ZBTB38: variants seen among roughly 807,000 people sequenced by gnomAD.
ZBTB38 encodes the protein zinc finger and BTB domain containing 38.
ZBTB38 carries 20 observed loss-of-function variants against 76.8 expected under a neutral mutation model. The ratio of observed to expected loss-of-function variants is 0.26; its 90% CI spans 0.18 to 0.38. The LOEUF (loss-of-function observed/expected upper bound fraction) is 0.38, where lower values mean the gene tolerates loss of function less well. Among genes scored for constraint, ZBTB38 ranks in the 10% least tolerant of loss-of-function variants. The probability of loss-of-function intolerance (pLI) is 1.00; values close to 1 mark genes in which losing one functional copy is unlikely to be tolerated. For synonymous variants in ZBTB38, 504 were observed against 544.2 expected (o/e 0.93, Z 1.03); for missense variants, 1,082 against 1,482.3 (o/e 0.73, Z 4.43).
chr3:141,397,556 C>T (rs1404799402), intron 4 of ZBTB38, among the ~76,000 whole-genome samples: 1 of 152,174 alleles, frequency 6.6e-6, no homozygotes, highest in East Asian at 1.9e-4. Context: ...TTCGACATAC[C>T]TTCCTCATGA....
chr3:141,433,543 C>T (rs558062077), intron 5 of ZBTB38, among the ~76,000 whole-genome samples: 2 of 151,994 alleles, frequency 1.3e-5, no homozygotes, highest in African/African-American at 4.8e-5. Flanking sequence ...TTTAATTGCA[C>T]CTACCTAATA....
At chr3:141,423,879 GAT>G (rs1392065569) in intron 5 of ZBTB38, among the ~76,000 whole-genome samples, 1 of 152,160 alleles carries the variant, frequency 6.6e-6, no homozygotes, top group African/African-American at 2.4e-5. Context: ...TAACCAAACT[GAT>G]ATGTTATTAA....
intron 5 of ZBTB38, among the ~76,000 whole-genome samples, chr3:141,420,486 G>T (rs555369560): frequency 6.6e-6 from 1 of 152,306 alleles, no homozygotes; most frequent in East Asian, 1.9e-4. Flanking sequence ...TACTTGCCTT[G>T]TGGCCTCAGT....
chr3:141,328,095 A>G (rs1206181883), intron 1 of ZBTB38, among the ~76,000 whole-genome samples: 2 of 152,218 alleles, frequency 1.3e-5, no homozygotes, highest in Admixed American at 1.3e-4. Context: ...TTTACATAAT[A>G]TATTCATCAT....
chr3:141,388,733 T>C (rs1027813246), intron 4 of ZBTB38: 5 of 152,218 alleles, frequency 3.3e-5, no homozygotes, highest in Admixed American at 3.3e-4. Context: ...TTTCCTCTCA[T>C]ATAGAATCTG....
chr3:141,443,292 G>A lies in ZBTB38; in HGVS notation c.904G>A (p.Ala302Thr). The part of the protein sequence containing the change: ...VNQERSPQPA[A>T]VLTRSKSPNN... Reference sequence around the variant, plus strand: ...TCAAGAAAGAAGTCCACAACCAGCTGCTGTTCTCACTCGTTCAAAATCTCC... The same window carrying A: ...TCAAGAAAGAAGTCCACAACCAGCTACTGTTCTCACTCGTTCAAAATCTCC... The change falls in exon 6 of 6, where the codon GCT becomes ACT. Residue 302 changes from alanine to threonine, a missense_variant. Ala to Thr is a moderately conservative substitution (Grantham distance 58). Coordinates refer to ENST00000321464, the MANE Select transcript of ZBTB38 (RefSeq NM_001376113.1). This position sits in a 1 kb window ranked among gnomAD's most constrained non-coding sequence, Gnocchi z 5.6. 2 of 1,614,206 alleles carry A rather than the reference G, an allele frequency of 1.2e-6. No individual in the cohort carries two copies. The highest frequency in any genetic ancestry group is 1.7e-5 in the Admixed American group (1 of 60,034).
intron 1 of ZBTB38, among the ~76,000 whole-genome samples, chr3:141,369,401 C>T (rs894214261): frequency 2.0e-5 from 3 of 152,164 alleles, no homozygotes; most frequent in Non-Finnish European, 4.4e-5. Flanking sequence ...CTTGTGCCAT[C>T]GTATCTGGGA....
At chr3:141,347,117 G>A (rs1245007300) in intron 1 of ZBTB38, among the ~76,000 whole-genome samples, 1 of 152,198 alleles carries the variant, frequency 6.6e-6, no homozygotes, top group African/African-American at 2.4e-5. Flanking sequence ...ACGCCACACA[G>A]TTGATGAGTT....
chr3:141,415,748 G>C (rs1042866135), intron 5 of ZBTB38, among the ~76,000 whole-genome samples: 3 of 152,124 alleles, frequency 2.0e-5, no homozygotes, highest in African/African-American at 4.8e-5. Flanking sequence ...ATGTATGATG[G>C]GGTGATTGAC....
chr3:141,360,678 T>C (rs1943793723), intron 1 of ZBTB38, among the ~76,000 whole-genome samples: 1 of 152,068 alleles, frequency 6.6e-6, no homozygotes. Context: ...ATTTTTCTAG[T>C]CTAGGATTTC....
upstream of ZBTB38, among the ~76,000 whole-genome samples, chr3:141,364,385 TA>T (rs1162050877): frequency 1.6e-3 from 208 of 134,176 alleles, no homozygotes; most frequent in African/African-American, 4.4e-3. Flanking sequence ...CTGAAAACTT[TA>T]AAAAAAAAAT....
chr3:141,420,185 G>A (rs1421943839), intron 5 of ZBTB38, among the ~76,000 whole-genome samples: 4 of 152,228 alleles, frequency 2.6e-5, no homozygotes, highest in Non-Finnish European at 5.9e-5. Flanking sequence ...TGGGGCACGA[G>A]GATGCTGGGA....
At chr3:141,341,152 T>C (rs1022278917) in intron 1 of ZBTB38, among the ~76,000 whole-genome samples, 3 of 152,146 alleles carry the variant, frequency 2.0e-5, no homozygotes, top group Non-Finnish European at 4.4e-5. Context: ...AGACAGACAG[T>C]AGCAAGTGCT....
intron 5 of ZBTB38, among the ~76,000 whole-genome samples, chr3:141,433,745 G>T (rs893513444): frequency 6.6e-6 from 1 of 152,156 alleles, no homozygotes; most frequent in African/African-American, 2.4e-5. Flanking sequence ...GCCTTCAGCC[G>T]TGGTATGCTG....
rs775087222 is a variant in ZBTB38, at chr3:141,445,026, G to A, written c.2638G>A (p.Asp880Asn). Reference sequence around the variant, plus strand: ...GGAGGAGCCTTTGCCACAGGGGAATGACCCAGAACCCAGTGGAGACAGCCC... The same window carrying A: ...GGAGGAGCCTTTGCCACAGGGGAATAACCCAGAACCCAGTGGAGACAGCCC... ...MQEEPLPQGN[D>N]PEPSGDSPLG... The change falls in exon 6 of 6, where the codon GAC (aspartate) becomes AAC (asparagine). Residue 880 changes from aspartate (D) to asparagine (N), a missense_variant. Physicochemically the swap from Asp to Asn is conservative, Grantham distance 23 (BLOSUM62 1). Transcript: ENST00000321464. This position sits in a 1 kb window ranked among gnomAD's most constrained non-coding sequence, Gnocchi z 6.5. 2 of 1,614,186 alleles carry A rather than the reference G, an allele frequency of 1.2e-6. No homozygotes were observed. The highest frequency in any genetic ancestry group is 8.5e-7 in the Non-Finnish European group (1 of 1,180,038).
chr3:141,404,642 C>T (rs976354322), intron 5 of ZBTB38, among the ~76,000 whole-genome samples: 2 of 152,270 alleles, frequency 1.3e-5, no homozygotes, highest in African/African-American at 2.4e-5. Context: ...TGCATGTGTA[C>T]GCTAGGCAGT....
chr3:141,408,035 C>T (rs967165072), intron 5 of ZBTB38, among the ~76,000 whole-genome samples: 1 of 152,142 alleles, frequency 6.6e-6, no homozygotes, highest in African/African-American at 2.4e-5. Flanking sequence ...GACACCCTGT[C>T]CCCATGGCCA....
intron 5 of ZBTB38, among the ~76,000 whole-genome samples, chr3:141,428,805 CACAGGATTGTGGAAGTG>C (rs1261711084): frequency 6.6e-6 from 1 of 152,092 alleles, no homozygotes; most frequent in Non-Finnish European, 1.5e-5. Context: ...TGCCGGCCTC[CACAGGATTGTGGAAGTG>C]ATTAAATTAA....
At position 141,443,535 on chromosome 3, in the gene ZBTB38, C is replaced by G; in HGVS notation, c.1147C>G (p.Leu383Val). The change falls in exon 6 of 6, where the codon CTG becomes GTG. Residue 383 changes from leucine to valine, a missense_variant. Leu to Val is a conservative substitution (Grantham distance 32, BLOSUM62 1). Coordinates refer to ENST00000321464, the MANE Select transcript of ZBTB38 (RefSeq NM_001376113.1). This position sits in a 1 kb window ranked among gnomAD's most constrained non-coding sequence, Gnocchi z 5.6. ...GTATTGCAACAAACAATTCACCACCCTGAACAGGTTGGATCGGCATGAACA... is the reference window on the plus strand; with the variant it reads ...GTATTGCAACAAACAATTCACCACCGTGAACAGGTTGGATCGGCATGAACA... ...CKYCNKQFTT[L>V]NRLDRHEQIC... The G allele has an allele frequency of 6.2e-7, 1 of 1,614,214 alleles. No homozygotes were observed.
Sources: allele counts gnomAD v4.1 joint callset (sites outside exome capture counted in the v4.1 genomes callset), GRCh38; gene constraint gnomAD v4.1.1; non-coding constraint Gnocchi (gnomAD v3.1); transcripts MANE v1.5; gene names NCBI Gene and HGNC (gene_info 2026-07-23, HGNC 2026-07-21).